MRPL1: variants seen among roughly 807,000 people sequenced by gnomAD.
The protein encoded by MRPL1 is mitochondrial ribosomal protein L1.
MRPL1 carries 28 observed loss-of-function variants against 38.0 expected under a neutral mutation model. That is an observed-to-expected ratio of 0.74 (90% CI 0.55 to 1.01). The LOEUF (loss-of-function observed/expected upper bound fraction) is 1.01. MRPL1 is among the 50% of genes least tolerant of loss of function. MRPL1 has a pLI of 0.00. For synonymous variants in MRPL1, 123 were observed against 126.7 expected, an observed-to-expected ratio of 0.97 and a Z score of 0.20; for missense variants, 358 against 389.8, an observed-to-expected ratio of 0.92 and a Z score of 0.69.
At chr4:77,928,612 T>A (rs1044676184) in intron 7 of MRPL1, among the ~76,000 whole-genome samples, 1 of 152,176 alleles carries the variant, frequency 6.6e-6, no homozygotes, top group African/African-American at 2.4e-5. Context: ...TGGCAATAGA[T>A]CTTAGATCTC....
At chr4:77,885,393 A>C in intron 4 of MRPL1, 54 bp downstream of exon 4, 28 of 1,360,092 alleles carry the variant, frequency 2.1e-5, no homozygotes, top group Non-Finnish European at 2.8e-5. Context: ...TTTGAGACGG[A>C]GTCTCACTCT....
intron 7 of MRPL1, among the ~76,000 whole-genome samples, chr4:77,920,626 G>C (rs1242920000): frequency 6.6e-6 from 1 of 152,168 alleles, no homozygotes; most frequent in African/African-American, 2.4e-5. Flanking sequence ...GGCAAAAGTT[G>C]AAATACAAAC....
chr4:77,884,938 C>T (rs1010995289), intron 3 of MRPL1, among the ~76,000 whole-genome samples: 2 of 151,924 alleles, frequency 1.3e-5, no homozygotes, highest in Non-Finnish European at 1.5e-5. Context: ...ATTTGAGAGA[C>T]TGTGATGAAT....
chr4:77,901,985 A>G (rs1298010944), intron 6 of MRPL1, among the ~76,000 whole-genome samples: 2 of 152,234 alleles, frequency 1.3e-5, no homozygotes, highest in East Asian at 3.8e-4. Context: ...TGAATGTAAA[A>G]GAATTGAAGT....
chr4:77,864,271 G>C (rs1448886455), intron 1 of MRPL1, among the ~76,000 whole-genome samples: 4 of 152,034 alleles, frequency 2.6e-5, no homozygotes, highest in Admixed American at 6.6e-5. Flanking sequence ...ATATCTCTCT[G>C]TTAATTGTCT....
chr4:77,944,308 A>C (rs1350800555), intron 7 of MRPL1, among the ~76,000 whole-genome samples: 1 of 152,188 alleles, frequency 6.6e-6, no homozygotes, highest in Non-Finnish European at 1.5e-5. Context: ...GCAGCAATCC[A>C]CTTCCTTCAA....
chr4:77,904,242 C>A (rs1736102540), intron 6 of MRPL1, among the ~76,000 whole-genome samples: 1 of 148,132 alleles, frequency 6.8e-6, no homozygotes. Flanking sequence ...AAGACTGTGT[C>A]TTAAAAAAAA....
At chr4:77,914,001 A>C (rs1267152520) in intron 7 of MRPL1, among the ~76,000 whole-genome samples, 7 of 152,220 alleles carry the variant, frequency 4.6e-5, no homozygotes, top group Non-Finnish European at 8.8e-5. Context: ...ACAAAGGCAC[A>C]CAGTAAATTT....
chr4:77,948,679 GA>G (rs975408706), intron 7 of MRPL1, among the ~76,000 whole-genome samples: 1 of 152,062 alleles, frequency 6.6e-6, no homozygotes, highest in Non-Finnish European at 1.5e-5. Context: ...AGAGTCTTTG[GA>G]AAACAGAAAT....
chr4:77,945,112 ACAGAGCTGCAC>A (rs1326433204), intron 7 of MRPL1, among the ~76,000 whole-genome samples: 3 of 149,108 alleles, frequency 2.0e-5, no homozygotes, highest in Non-Finnish European at 4.4e-5. Flanking sequence ...TACCCAATAA[ACAGAGCTGCAC>A]CATCAATTAT....
chr4:77,906,372 T>C (rs1031771721), intron 6 of MRPL1, among the ~76,000 whole-genome samples: 2 of 152,140 alleles, frequency 1.3e-5, no homozygotes, highest in African/African-American at 2.4e-5. Flanking sequence ...GCTTTTTTTT[T>C]TTGAGAACTT....
chr4:77,873,532 A>G (rs1735331290), intron 2 of MRPL1, among the ~76,000 whole-genome samples: 1 of 152,244 alleles, frequency 6.6e-6, no homozygotes, highest in Non-Finnish European at 1.5e-5. Context: ...AAGGGTAGAA[A>G]GTTTTTGCTG....
At position 77,923,627 on chromosome 4, in the gene MRPL1, G is replaced by T. The variant is rs192320538; in HGVS notation, c.777+14255G>T. Among the ~76,000 whole-genome samples, 1,035 of 151,976 alleles carry T rather than the reference G, an allele frequency of 6.8e-3. 14 individuals carry two copies. Among genetic ancestry groups the T allele is most frequent in the African/African-American group, 0.023 (960 of 41,470 alleles). ...TATCATGACTCAATCAAACTTATGT[G>T]TGTATGTGAGAAAAAAGTTTCATGA... is the stretch of plus-strand genomic sequence containing the variant. On this transcript the variant is annotated intron_variant, in intron 7 of 8. Coordinates refer to ENST00000315567, the MANE Select transcript of MRPL1 (RefSeq NM_020236.4).
chr4:77,939,272 G>A (rs1578063180), intron 7 of MRPL1, among the ~76,000 whole-genome samples: 1 of 152,104 alleles, frequency 6.6e-6, no homozygotes, highest in African/African-American at 2.4e-5. Context: ...TGGTTTTGAT[G>A]TGCATTTCCC....
At chr4:77,892,382 C>T (rs1735827506) in intron 5 of MRPL1, among the ~76,000 whole-genome samples, 1 of 152,120 alleles carries the variant, frequency 6.6e-6, no homozygotes, top group Non-Finnish European at 1.5e-5. Flanking sequence ...ATCCAACCTT[C>T]CTCGGCCTCC....
At chr4:77,920,757 C>G (rs1736551266) in intron 7 of MRPL1, among the ~76,000 whole-genome samples, 3 of 151,008 alleles carry the variant, frequency 2.0e-5, no homozygotes, top group Non-Finnish European at 4.4e-5. Context: ...CTTCTCCCTT[C>G]CATTCATCCT....
At chr4:77,870,590 A>G (rs529308580) in intron 1 of MRPL1, among the ~76,000 whole-genome samples, 3 of 152,322 alleles carry the variant, frequency 2.0e-5, no homozygotes, top group South Asian at 2.1e-4. Context: ...AGCAAGATGG[A>G]GTAGTGATTA....
chr4:77,868,246 T>A (rs1053756082), intron 1 of MRPL1, among the ~76,000 whole-genome samples: 4 of 151,842 alleles, frequency 2.6e-5, no homozygotes, highest in Non-Finnish European at 5.9e-5. Context: ...TGTGTATATT[T>A]TGTTTTTTTT....
intron 2 of MRPL1, among the ~76,000 whole-genome samples, chr4:77,880,335 T>C (rs1735509955): frequency 6.6e-6 from 1 of 152,170 alleles, no homozygotes; most frequent in Non-Finnish European, 1.5e-5. Flanking sequence ...GGCTGGTTGC[T>C]TGAATTTCTT....
Sources: gnomAD v4.1 joint callset for allele counts (sites outside exome capture counted in the v4.1 genomes callset) on GRCh38, gnomAD v4.1.1 for gene constraint, MANE v1.5 for transcripts, NCBI Gene and HGNC (gene_info 2026-07-23, HGNC 2026-07-21) for gene names.